The following DSG2 variants were observed in gnomAD, a reference collection of about 807,000 sequenced individuals.
The protein encoded by DSG2 is desmoglein-2.
In DSG2, 45 loss-of-function variants were observed where a neutral mutation model predicts 75.6. The ratio of observed to expected loss-of-function variants is 0.60; its 90% CI spans 0.47 to 0.76. The LOEUF is 0.76. Ranked by LOEUF, DSG2 falls within the 30% of genes least tolerant of loss-of-function variation. The pLI is 0.00. For synonymous variants in DSG2, 429 were observed against 483.9 expected, an observed-to-expected ratio of 0.89 and a Z score of 1.49; for missense variants, 1,267 against 1,357.4, an observed-to-expected ratio of 0.93 and a Z score of 1.05.
intron 9 of DSG2, among the ~76,000 whole-genome samples, chr18:31,534,877 C>T (rs2073219849): frequency 6.6e-6 from 1 of 152,206 alleles, no homozygotes; most frequent in African/African-American, 2.4e-5. Context: ...AACAACAGAA[C>T]ATAAGACTGC....
At chr18:31,517,139 C>T (rs1438182110) in intron 1 of DSG2, among the ~76,000 whole-genome samples, 1 of 152,128 alleles carries the variant, frequency 6.6e-6, no homozygotes, top group Non-Finnish European at 1.5e-5. Context: ...AAGTGGAGGT[C>T]ATTATGTTAA....
intron 8 of DSG2, among the ~76,000 whole-genome samples, chr18:31,525,117 T>C (rs1598813291): frequency 6.6e-6 from 1 of 152,342 alleles, no homozygotes; most frequent in East Asian, 1.9e-4. Context: ...GACAGCATGG[T>C]ACCACCATCA....
rs2144341490 is a variant in DSG2 at position 31,536,255 on chromosome 18, A to G, written c.1477A>G (p.Asn493Asp). 1.9e-6 allele frequency: 3 copies of G among 1,614,218 alleles called. No homozygotes were observed. Among genetic ancestry groups the G allele is most frequent in the Non-Finnish European group, 2.5e-6 (3 of 1,180,034 alleles). ...AGTCCTTATCAATGTTGAAGACATC[A>G]ACGACAACTGTCCCACACTGATAGA... is the stretch of plus-strand genomic sequence containing the variant. ...GTVLINVEDI[N>D]DNCPTLIEPV... Residue 493 changes from asparagine to aspartate, a missense_variant, in exon 11 of 15, where the codon AAC (asparagine) becomes GAC (aspartate). Coordinates refer to ENST00000261590, the MANE Select transcript of DSG2 (RefSeq NM_001943.5).
chr18:31,500,019 C>A, intron 1 of DSG2, among the ~76,000 whole-genome samples: 1 of 121,586 alleles, frequency 8.2e-6, no homozygotes, highest in Admixed American at 9.6e-5. Context: ...AGTGTGTTTG[C>A]AGTTGCAGTT....
chr18:31,515,211 T>G (rs1187837385), intron 1 of DSG2, among the ~76,000 whole-genome samples: 2 of 152,156 alleles, frequency 1.3e-5, no homozygotes, highest in Non-Finnish European at 2.9e-5. Context: ...CACGCCATTC[T>G]CCTGCCTCAG....
chr18:31,545,630 T>A (rs2073299191), intron 14 of DSG2, 91 bp from the exon 15 acceptor site: 18 of 1,444,134 alleles, frequency 1.2e-5, no homozygotes, highest in Non-Finnish European at 1.6e-5. Context: ...TACTGCATTT[T>A]GAACAGGAAT....
chr18:31,546,219 A>G lies in DSG2; in HGVS notation c.2833A>G (p.Thr945Ala), dbSNP rs746297630. The change falls in exon 15 of 15, where the codon ACT (threonine) becomes GCT (alanine). Residue 945 changes from threonine (T) to alanine (A), a missense_variant. Coordinates refer to ENST00000261590, the MANE Select transcript of DSG2 (RefSeq NM_001943.5). The part of the protein sequence containing the change: ...ATETSYVTGS[T>A]MPPTTVILGP... ...AGAAACTTCCTATGTCACAGGGTCC[A>G]CTATGCCACCAACCACTGTGATCCT... The G allele has an allele frequency of 1.2e-6, 2 of 1,611,986 alleles. No homozygotes were observed. The highest frequency in any genetic ancestry group is 4.5e-5 in the East Asian group (2 of 44,870).
At chr18:31,507,786 T>C (rs898677227) in intron 1 of DSG2, among the ~76,000 whole-genome samples, 12 of 152,344 alleles carry the variant, frequency 7.9e-5, no homozygotes, top group Non-Finnish European at 1.6e-4. Flanking sequence ...TGTTTTTTTC[T>C]TGTAAATTTG....
intron 1 of DSG2, among the ~76,000 whole-genome samples, chr18:31,509,405 C>T (rs1361221496): frequency 6.9e-6 from 1 of 143,926 alleles, no homozygotes; most frequent in African/African-American, 2.6e-5. Flanking sequence ...ATTCAGAGTT[C>T]AAAAATTAAA....
chr18:31,524,686 G>A lies in DSG2; in HGVS notation c.829-17G>A, dbSNP rs529353639. The A allele has an allele frequency of 1.2e-6, 2 of 1,613,854 alleles. No homozygotes were observed. Among genetic ancestry groups the A allele is most frequent in the East Asian group, 4.5e-5 (2 of 44,860 alleles). ...TGTATTTCATTGAAATAAAAATCAT[G>A]TGTTCATGTTTTGCAGCTTGAAGGG... On this transcript the variant is annotated splice_polypyrimidine_tract_variant and intron_variant, in intron 7 of 14. Transcript: ENST00000261590.
intron 11 of DSG2, 44 bp downstream of exon 11, chr18:31,536,473 A>G: frequency 6.6e-7 from 1 of 1,517,278 alleles, no homozygotes; most frequent in Non-Finnish European, 9.0e-7. Flanking sequence ...AATATTAAGC[A>G]TGATATCTAA....
In DSG2 at chr18:31,505,009, G is replaced by A. The variant is rs1242818348; in HGVS notation, c.45+6713G>A. Reference sequence around the variant, plus strand: ...GACTTAGTAATTTAATCTCTGAACTGTCTCCTGCCTTTTATCTTGCACAGT... The same window carrying A: ...GACTTAGTAATTTAATCTCTGAACTATCTCCTGCCTTTTATCTTGCACAGT... On this transcript the variant is annotated intron_variant, in intron 1 of 14. Transcript: ENST00000261590. Among the ~76,000 whole-genome samples, 5 of 152,170 alleles carry A rather than the reference G, an allele frequency of 3.3e-5. No homozygotes were observed. In the East Asian group the frequency reaches 9.7e-4, roughly 29 times the overall value.
Position 31,546,044 on chromosome 18 carries a change from T to A in DSG2, c.2658T>A (p.Ser886Arg), listed in dbSNP as rs1319028870. ...VNSENTYSSG[S>R]SFPVPKSLQE... Reference sequence around the variant, plus strand: ...CAGAGAATACCTACTCCTCTGGCAGTAGCTTCCCAGTTCCAAAATCTTTGC... The same window carrying A: ...CAGAGAATACCTACTCCTCTGGCAGAAGCTTCCCAGTTCCAAAATCTTTGC... Residue 886 changes from serine (S) to arginine (R), a missense_variant, in exon 15 of 15, where the codon AGT becomes AGA. Coordinates refer to ENST00000261590, the MANE Select transcript of DSG2 (RefSeq NM_001943.5). 5.0e-6 allele frequency: 8 copies of A among 1,614,188 alleles called. No individual in the cohort carries two copies. Among genetic ancestry groups the A allele is most frequent in the Non-Finnish European group, 1.7e-6 (2 of 1,180,044 alleles).
At chr18:31,536,093 C>T in intron 10 of DSG2, 109 bp from the exon 11 acceptor site, 1 of 965,826 alleles carries the variant, frequency 1.0e-6, no homozygotes, top group Non-Finnish European at 1.6e-6. Flanking sequence ...TAGAAAATGT[C>T]CTAAGTGGTT....
intron 11 of DSG2, 149 bp downstream of exon 11, chr18:31,536,578 T>C (rs993693543): frequency 7.5e-6 from 6 of 804,672 alleles, no homozygotes; most frequent in African/African-American, 5.2e-5. Context: ...TACTGACATA[T>C]AGTATCTTTT....
intron 1 of DSG2, among the ~76,000 whole-genome samples, chr18:31,511,148 A>G (rs1372202566): frequency 6.6e-6 from 1 of 152,212 alleles, no homozygotes; most frequent in Non-Finnish European, 1.5e-5. Context: ...GACCCTGGTT[A>G]TTACAGTAGC....
chr18:31,509,432 C>CT (rs10629291), intron 1 of DSG2, among the ~76,000 whole-genome samples: 69,333 of 151,006 alleles, frequency 0.46, 17,224 homozygotes, highest in East Asian at 0.63. Flanking sequence ...AAATATTGCT[C>CT]TTTTTTTTTA....
At chr18:31,517,401 A>G (rs967722954) in intron 1 of DSG2, among the ~76,000 whole-genome samples, 2 of 152,212 alleles carry the variant, frequency 1.3e-5, no homozygotes, top group Non-Finnish European at 2.9e-5. Flanking sequence ...AGTTTACAAT[A>G]ACCTATTATA....
chr18:31,506,887 C>T (rs1356387433), intron 1 of DSG2, among the ~76,000 whole-genome samples: 1 of 152,010 alleles, frequency 6.6e-6, no homozygotes, highest in Admixed American at 6.6e-5. Flanking sequence ...AATCCAACGA[C>T]TTCAAGGAAA....
Sources: gnomAD v4.1 joint callset for allele counts (sites outside exome capture counted in the v4.1 genomes callset) on GRCh38, gnomAD v4.1.1 for gene constraint, MANE v1.5 for transcripts, NCBI Gene and HGNC (gene_info 2026-07-23, HGNC 2026-07-21) for gene names.